The following PARP9 variants were observed in gnomAD, a reference collection of about 807,000 sequenced individuals.
PARP9 encodes poly(ADP-ribose) polymerase family member 9.
PARP9 carries 48 observed loss-of-function variants against 68.8 expected under a neutral mutation model. The ratio of observed to expected loss-of-function variants is 0.70; its 90% confidence interval spans 0.55 to 0.89. The LOEUF (loss-of-function observed/expected upper bound fraction) is 0.89. Ranked by LOEUF, PARP9 falls within the 40% of genes least tolerant of loss-of-function variation. PARP9 has a pLI of 0.00. For missense variants in PARP9, 806 were observed against 969.3 expected, an observed-to-expected ratio of 0.83 and a Z score of 2.24; for synonymous variants, 309 against 333.8, an observed-to-expected ratio of 0.93 and a Z score of 0.81.
intron 7 of PARP9, 105 bp from the exon 8 acceptor site, chr3:122,540,957 C>G (rs2078176003): frequency 8.0e-7 from 1 of 1,256,262 alleles, no homozygotes; most frequent in East Asian, 2.4e-5. Flanking sequence ...GTGCTGCGAT[C>G]TCAGCTCACT....
intron 7 of PARP9, 95 bp downstream of exon 7, chr3:122,545,337 A>C: frequency 7.7e-7 from 1 of 1,299,568 alleles, no homozygotes; most frequent in Non-Finnish European, 1.1e-6. Flanking sequence ...TGGCTTATTT[A>C]TTCTTCTTCT....
chr3:122,531,625 G>C (rs1386086084), intron 10 of PARP9: 1 of 152,050 alleles, frequency 6.6e-6, no homozygotes, highest in South Asian at 2.1e-4. Flanking sequence ...CTATATGTTT[G>C]TGTTTACAAG....
Position 122,556,067 on chromosome 3 carries a change from T to A in PARP9, c.104A>T (p.Asp35Val). Residue 35 changes from aspartate to valine, a missense_variant, in exon 4 of 11, where the codon GAC becomes GTC. Around this residue, in one of 2 missense-constraint regions of PARP9, gnomAD observed 126 missense variants for 110.5 expected, o/e 1.14. Coordinates refer to ENST00000682323, the MANE Select transcript of PARP9 (RefSeq NM_001146105.2). The stretch of plus-strand genomic sequence containing the variant: ...CTCATTATTTTTTAAAATTTTGAAG[T>A]CATTGTGGTTAATGGGAATTTGCCA... ...YSWQIPINHN[D>V]FKILKNNERQ... 1 of 1,607,342 alleles carries A rather than the reference T, an allele frequency of 6.2e-7. No individual in the cohort carries two copies. Among genetic ancestry groups the A allele is most frequent in the Non-Finnish European group, 8.5e-7 (1 of 1,178,926 alleles).
chr3:122,542,943 G>A lies in PARP9; in HGVS notation c.1385-2091C>T, dbSNP rs144455257. Among the ~76,000 whole-genome samples the A allele has an allele frequency of 1.1e-4, 17 of 151,970 alleles. No individual in the cohort carries two copies. The East Asian group carries it at 2.5e-3, about 23-fold the overall frequency. ...TTTTTTTGAGACCAAGTCTCCCTCC[G>A]TTGCCCAAGCTGGAGTGCAGTGGCA... On this transcript the variant is annotated intron_variant, in intron 7 of 10. Coordinates refer to ENST00000682323, the MANE Select transcript of PARP9 (RefSeq NM_001146105.2).
chr3:122,532,319 G>A (rs147037798), intron 10 of PARP9: 1 of 985,304 alleles, frequency 1.0e-6, no homozygotes, highest in Non-Finnish European at 1.2e-6. Context: ...AGGCACAGGA[G>A]ACTGCTAATG....
intron 4 of PARP9, among the ~76,000 whole-genome samples, chr3:122,554,943 C>T (rs997836995): frequency 1.3e-5 from 2 of 151,526 alleles, no homozygotes; most frequent in African/African-American, 4.9e-5. Flanking sequence ...TCTTGAACAC[C>T]TGGGCTCAAG....
chr3:122,550,846 C>G (rs761513297), intron 5 of PARP9, 44 bp from the exon 6 acceptor site: 1 of 1,516,230 alleles, frequency 6.6e-7, no homozygotes, highest in East Asian at 2.3e-5. Flanking sequence ...GAGTCAAGAA[C>G]AAGACTCCAC....
rs990868039 is a variant in PARP9 at position 122,559,707 on chromosome 3, C to T, written c.-87G>A. 6.8e-6 allele frequency: 9 copies of T among 1,317,584 alleles called. No homozygotes were observed. In the African/African-American group the frequency reaches 1.0e-4, roughly 15 times the overall value. 81.6% of individuals were successfully genotyped at this position (1,317,584 alleles called of 1,614,324 possible). On this transcript the variant is annotated splice_region_variant and 5_prime_UTR_variant, in exon 2 of 11. In the 5' UTR this introduces an upstream ATG that the reference lacks. Coordinates refer to ENST00000682323, the MANE Select transcript of PARP9 (RefSeq NM_001146105.2). The stretch of plus-strand genomic sequence containing the variant: ...TGTAGTTTCCAGATATGGTGGCCCA[C>T]TTCTAGGAATGAATTAGAAAAGATG...
At chr3:122,543,848 T>A (rs773770561) in intron 7 of PARP9, among the ~76,000 whole-genome samples, 3 of 152,268 alleles carry the variant, frequency 2.0e-5, no homozygotes, top group African/African-American at 7.2e-5. Context: ...TGACCTCAAG[T>A]GATCCACCTG....
intron 1 of PARP9, among the ~76,000 whole-genome samples, chr3:122,562,247 A>C (rs1031316805): frequency 6.7e-6 from 1 of 150,370 alleles, no homozygotes; most frequent in Non-Finnish European, 1.5e-5. Context: ...CTGTGGCGCG[A>C]TCTTGGCTCA....
At position 122,550,569 on chromosome 3, in the gene PARP9, A is replaced by G. The variant is rs1253371436; in HGVS notation, c.1326+15T>C. ...AATGAATGAACAGTAGGACATTTCT[A>G]AGATATTAACTTACCTTATATATCT... On this transcript the variant is annotated intron_variant, in intron 6 of 10. Coordinates refer to ENST00000682323, the MANE Select transcript of PARP9 (RefSeq NM_001146105.2). 6.4e-7 allele frequency: 1 copy of G among 1,562,022 alleles called. No homozygotes were observed. The highest frequency in any genetic ancestry group is 8.8e-7 in the Non-Finnish European group (1 of 1,136,092).
chr3:122,539,507 A>ATTTCTTTCTCTCTTTC (rs2077942004), intron 8 of PARP9, among the ~76,000 whole-genome samples: 3 of 133,162 alleles, frequency 2.3e-5, no homozygotes, highest in African/African-American at 8.8e-5. Flanking sequence ...CCAAGATGGC[A>ATTTCTTTCTCTCTTTC]TTTCTTTCTT....
rs1487488283 is a variant in PARP9, at chr3:122,564,256, C to G, written c.-101G>C. ...CCGGACCTACTCACCCGGCAGGCCG[C>G]TCTCCTCGGTGCAGACAGCACAGGG... On this transcript the variant is annotated 5_prime_UTR_variant, in exon 1 of 11. Coordinates refer to ENST00000682323, the MANE Select transcript of PARP9 (RefSeq NM_001146105.2). 1 of 783,628 alleles carries G rather than the reference C, an allele frequency of 1.3e-6. No homozygotes were observed. The highest frequency in any genetic ancestry group is 1.8e-5 in the African/African-American group (1 of 54,126). The allele number at this position is 783,628 out of a possible 1,614,324, so 48.5% of individuals were successfully genotyped here. A position where few individuals can be genotyped will look rare whatever the true frequency, so the allele number is the denominator to read the frequency against.
intron 10 of PARP9, chr3:122,534,426 C>T: frequency 1.0e-6 from 1 of 985,482 alleles, no homozygotes; most frequent in Non-Finnish European, 1.2e-6. Context: ...CCTCTCTATA[C>T]CTGTTCGGCA....
chr3:122,562,636 A>G (rs974137009), intron 1 of PARP9, among the ~76,000 whole-genome samples: 1 of 152,206 alleles, frequency 6.6e-6, no homozygotes, highest in African/African-American at 2.4e-5. Context: ...TCCAGAGTCA[A>G]TCAGCGCTTC....
chr3:122,549,651 T>C (rs1169811888), intron 6 of PARP9, among the ~76,000 whole-genome samples: 1 of 151,976 alleles, frequency 6.6e-6, no homozygotes, highest in East Asian at 1.9e-4. Context: ...CATGGTAGCA[T>C]GTGCCTGTAG....
chr3:122,536,060 C>G (rs2077615198), intron 10 of PARP9, 108 bp downstream of exon 10: 1 of 1,592,176 alleles, frequency 6.3e-7, no homozygotes, highest in Admixed American at 1.7e-5. Flanking sequence ...ATCACAGTCA[C>G]AAATGATCCC....
chr3:122,550,529 C>CTGAG (rs1395660629), intron 6 of PARP9, 55 bp downstream of exon 6: 11 of 1,330,754 alleles, frequency 8.3e-6, no homozygotes, highest in South Asian at 1.3e-5. Flanking sequence ...ACAGATGTTG[C>CTGAG]TGAATGAATG....
At chr3:122,547,011 T>TAC (rs1296480799) in intron 6 of PARP9, among the ~76,000 whole-genome samples, 8 of 81,858 alleles carry the variant, frequency 9.8e-5, no homozygotes, top group African/African-American at 1.4e-4. Context: ...TATATATATA[T>TAC]ATACACACAC....
Sources: gnomAD v4.1 joint callset for allele counts (sites outside exome capture counted in the v4.1 genomes callset) on GRCh38, gnomAD v4.1.1 for gene constraint, gnomAD v4.1.1 regional missense constraint, MANE v1.5 for transcripts, NCBI Gene and HGNC (gene_info 2026-07-23, HGNC 2026-07-21) for gene names.